The following TRDN variants were observed in gnomAD, a reference collection of about 807,000 sequenced individuals.
TRDN encodes triadin in skeletal muscle.
In TRDN, 161 loss-of-function variants were observed where a neutral mutation model predicts 149.7. The ratio of observed to expected loss-of-function variants is 1.08; its 90% CI spans 0.95 to 1.23. TRDN has a LOEUF of 1.23. Among genes scored for constraint, TRDN ranks in the 50% most tolerant of loss-of-function variants. The probability of loss-of-function intolerance (pLI) is 0.00; values close to 1 mark genes in which losing one functional copy is unlikely to be tolerated. For missense variants in TRDN, 896 were observed against 823.5 expected, an observed-to-expected ratio of 1.09 and a Z score of -1.08; for synonymous variants, 294 against 250.5, an observed-to-expected ratio of 1.17 and a Z score of -1.64.
intron 10 of TRDN, among the ~76,000 whole-genome samples, chr6:123,447,544 G>A (rs1055350445): frequency 1.3e-5 from 2 of 152,098 alleles, no homozygotes; most frequent in Non-Finnish European, 2.9e-5. Context: ...TGGATAGCAC[G>A]TGTTATTATA....
At chr6:123,465,747 A>C in intron 9 of TRDN, among the ~76,000 whole-genome samples, 1 of 152,152 alleles carries the variant, frequency 6.6e-6, no homozygotes, top group Non-Finnish European at 1.5e-5. Context: ...ATTGCTTGCA[A>C]AACATTTTAT....
At chr6:123,583,677 A>G (rs1355532739) in intron 1 of TRDN, among the ~76,000 whole-genome samples, 4 of 152,032 alleles carry the variant, frequency 2.6e-5, no homozygotes, top group Non-Finnish European at 5.9e-5. Context: ...TGTCTGACAG[A>G]AGGGAAAAAA....
At chr6:123,414,967 T>C (rs1773592893) in intron 12 of TRDN, among the ~76,000 whole-genome samples, 1 of 152,164 alleles carries the variant, frequency 6.6e-6, no homozygotes. Flanking sequence ...AGATAATATT[T>C]ATATTTAAGG....
chr6:123,517,398 T>C (rs1779465634), intron 5 of TRDN, among the ~76,000 whole-genome samples: 1 of 152,142 alleles, frequency 6.6e-6, no homozygotes, highest in African/African-American at 2.4e-5. Context: ...CTTTAGATTT[T>C]ATATTTTTAT....
In TRDN at chr6:123,218,371, C is replaced by G. The variant is rs986757545; in HGVS notation, c.*230G>C. The G allele has an allele frequency of 2.3e-6, 1 of 427,262 alleles. No homozygotes were observed. Among genetic ancestry groups the G allele is most frequent in the African/African-American group, 2.0e-5 (1 of 49,482 alleles). 26.5% of individuals were successfully genotyped at this position (427,262 alleles called of 1,614,324 possible). A position where few individuals can be genotyped will look rare whatever the true frequency, so the allele number is the denominator to read the frequency against. Reference sequence around the variant, plus strand: ...TGGAAATAAGATAAATACAAGCACCCCCTCCCACCGCAGCAAACACACATA... The same window carrying G: ...TGGAAATAAGATAAATACAAGCACCGCCTCCCACCGCAGCAAACACACATA... On this transcript the variant is annotated 3_prime_UTR_variant, in exon 41 of 41. Transcript: ENST00000334268.
chr6:123,230,531 T>TATA lies in TRDN; in HGVS notation c.1976-6403_1976-6401dup, dbSNP rs72156427. ...TGCACATATACCCTAGAACTTAAAG[T>TATA]ATAATAATAATAATAATAATAATAA... On this transcript the variant is annotated intron_variant, in intron 38 of 40. Coordinates refer to ENST00000334268, the MANE Select transcript of TRDN (RefSeq NM_006073.4). Among the ~76,000 whole-genome samples, 152 of 148,838 alleles carry TATA rather than the reference T, an allele frequency of 1.0e-3. No individual in the cohort carries two copies. In the Middle Eastern group the frequency reaches 0.014, roughly 14 times the overall value.
Position 123,381,956 on chromosome 6 carries a change from G to GCTCTCTCTCTCTCT in TRDN, c.1165+148_1165+161dup, listed in dbSNP as rs55997261. Among the ~76,000 whole-genome samples, 473 of 138,458 alleles carry GCTCTCTCTCTCTCT rather than the reference G, an allele frequency of 3.4e-3. 6 individuals are homozygous for GCTCTCTCTCTCTCT. The highest frequency in any genetic ancestry group is 0.012 in the African/African-American group (452 of 37,164). 90.8% of individuals were successfully genotyped at this position (138,458 alleles called of 152,430 possible). ...GCAGTATTGTCAGAATAGATTTGGC[G>GCTCTCTCTCTCTCT]CTCTCTCTCTCTCTCTCTCTCTCTC... On this transcript the variant is annotated intron_variant, in intron 15 of 40. Transcript: ENST00000334268.
Position 123,497,106 on chromosome 6 carries a change from T to C in TRDN, c.853+87A>G, listed in dbSNP as rs908019815. ...CATGCATTATGCAATTTTTAAAAAA[T>C]GAAAATACAGTTAGGTACATAAAAA... On this transcript the variant is annotated intron_variant, in intron 9 of 40. Coordinates refer to ENST00000334268, the MANE Select transcript of TRDN (RefSeq NM_006073.4). The C allele has an allele frequency of 6.8e-5, 71 of 1,051,596 alleles. 3 individuals are homozygous for C. The highest frequency in any genetic ancestry group is 1.9e-5 in the Non-Finnish European group (14 of 752,494). 65.1% of individuals were successfully genotyped at this position (1,051,596 alleles called of 1,614,324 possible).
In TRDN at chr6:123,548,549, G is replaced by A; in HGVS notation, c.296C>T (p.Thr99Ile). Residue 99 changes from threonine to isoleucine, a missense_variant, in exon 3 of 41, where the codon ACC becomes ATC. By Grantham distance (89) the Thr-to-Ile change is moderately conservative. Coordinates refer to ENST00000334268, the MANE Select transcript of TRDN (RefSeq NM_006073.4). ...AAAGAAGCCATAGATCCAGTCCGTGGTTTCCTCCATAGCATCACGTACCAG... is the reference window on the plus strand; with the variant it reads ...AAAGAAGCCATAGATCCAGTCCGTGATTTCCTCCATAGCATCACGTACCAG... The part of the protein sequence containing the change: ...LKLVRDAMEE[T>I]TDWIYGFFSL... 3 of 1,574,648 alleles carry A rather than the reference G, an allele frequency of 1.9e-6. No homozygotes were observed. Among genetic ancestry groups the A allele is most frequent in the Non-Finnish European group, 2.6e-6 (3 of 1,158,948 alleles).
Position 123,581,294 on chromosome 6 carries a change from C to G in TRDN, c.23-10162G>C, listed in dbSNP as rs151085470. Among the ~76,000 whole-genome samples, 363 of 152,290 alleles carry G rather than the reference C, an allele frequency of 2.4e-3. 2 individuals are homozygous for G. The highest frequency in any genetic ancestry group is 8.6e-3 in the African/African-American group (356 of 41,570). The stretch of plus-strand genomic sequence containing the variant: ...TTTCCTTAATCTTTTGACCTGAACT[C>G]TACTCTTCTTACTTGTAATACCATA... On this transcript the variant is annotated intron_variant, in intron 1 of 40. Coordinates refer to ENST00000334268, the MANE Select transcript of TRDN (RefSeq NM_006073.4).
intron 38 of TRDN, among the ~76,000 whole-genome samples, chr6:123,233,474 T>C (rs1206656402): frequency 6.6e-6 from 1 of 152,128 alleles, no homozygotes; most frequent in Non-Finnish European, 1.5e-5. Context: ...TCTTAGTGTC[T>C]GTCCCATCAC....
At chr6:123,274,800 G>A in intron 26 of TRDN, 130 bp from the exon 27 acceptor site, 1 of 831,258 alleles carries the variant, frequency 1.2e-6, no homozygotes, top group Non-Finnish European at 1.9e-6. Flanking sequence ...TTGAACCCAG[G>A]AGGCAGAGGT....
chr6:123,559,499 G>C (rs542425950), intron 2 of TRDN, among the ~76,000 whole-genome samples: 98 of 151,940 alleles, frequency 6.4e-4, no homozygotes, highest in African/African-American at 2.3e-3. Flanking sequence ...TGCTCCTCTT[G>C]TATTCCCCCC....
At chr6:123,449,941 G>A (rs923843416) in intron 10 of TRDN, among the ~76,000 whole-genome samples, 3 of 152,136 alleles carry the variant, frequency 2.0e-5, no homozygotes, top group Non-Finnish European at 2.9e-5. Context: ...ACAATCATCA[G>A]CCAAGAATTT....
At chr6:123,614,288 T>TA (rs1216969453) in intron 1 of TRDN, among the ~76,000 whole-genome samples, 899 of 58,746 alleles carry the variant, frequency 0.015, 6 homozygotes, top group Non-Finnish European at 0.019. Flanking sequence ...AGTGCTTCAT[T>TA]AAAAAAAAAA....
intron 9 of TRDN, among the ~76,000 whole-genome samples, chr6:123,489,933 G>A (rs903232901): frequency 6.6e-6 from 1 of 151,760 alleles, no homozygotes; most frequent in Non-Finnish European, 1.5e-5. Context: ...ACTGAACACA[G>A]TTTATAATTC....
At chr6:123,632,202 T>C (rs28461931) in intron 1 of TRDN, among the ~76,000 whole-genome samples, 19,106 of 152,078 alleles carry the variant, frequency 0.13, 2,437 homozygotes, top group African/African-American at 0.33. Context: ...CTGTAGAGGT[T>C]CCCAGAGCCT....
intron 24 of TRDN, among the ~76,000 whole-genome samples, chr6:123,314,559 C>T (rs1027439301): frequency 6.6e-6 from 1 of 151,988 alleles, no homozygotes; most frequent in Non-Finnish European, 1.5e-5. Context: ...TTCATTGCAG[C>T]ACTATCCACA....
At chr6:123,622,318 GACACACAC>G (rs67160946) in intron 1 of TRDN, among the ~76,000 whole-genome samples, 4 of 123,664 alleles carry the variant, frequency 3.2e-5, no homozygotes, top group South Asian at 2.9e-4. Context: ...TATATATACA[GACACACAC>G]ACACACACAC....
Sources: gnomAD v4.1 joint callset for allele counts (sites outside exome capture counted in the v4.1 genomes callset) on GRCh38, gnomAD v4.1.1 for gene constraint, MANE v1.5 for transcripts, NCBI Gene and HGNC (gene_info 2026-07-23, HGNC 2026-07-21) for gene names.